KDM5B: variants seen among roughly 807,000 people sequenced by gnomAD.
The protein encoded by KDM5B is lysine demethylase 5B.
KDM5B carries 144 observed loss-of-function variants against 193.4 expected under a neutral mutation model. The observed-to-expected ratio is 0.74, with a 90% CI of 0.65 to 0.86. The LOEUF (loss-of-function observed/expected upper bound fraction) is 0.86, where lower values mean the gene tolerates loss of function less well. KDM5B is among the 40% of genes least tolerant of loss of function. The probability of loss-of-function intolerance (pLI) is 0.00; values close to 1 mark genes in which losing one functional copy is unlikely to be tolerated. For synonymous variants in KDM5B, 668 were observed against 682.6 expected (o/e 0.98, Z 0.33); for missense variants, 1,833 against 1,886.9 (o/e 0.97, Z 0.53).
chr1:202,743,610 A>G (rs1285655051), intron 16 of KDM5B, among the ~76,000 whole-genome samples: 2 of 152,140 alleles, frequency 1.3e-5, no homozygotes, highest in African/African-American at 4.8e-5. Context: ...AAGTGAAAAC[A>G]CTCTGAAAGA....
chr1:202,761,508 T>C (rs1378084132), intron 7 of KDM5B, among the ~76,000 whole-genome samples: 2 of 152,180 alleles, frequency 1.3e-5, no homozygotes, highest in Non-Finnish European at 2.9e-5. Context: ...TGATAAAGCA[T>C]AGTTATTACT....
At chr1:202,740,076 C>G (rs1177520072) in intron 20 of KDM5B, among the ~76,000 whole-genome samples, 1 of 151,802 alleles carries the variant, frequency 6.6e-6, no homozygotes, top group Non-Finnish European at 1.5e-5. Flanking sequence ...CCTCACCTCC[C>G]GGACGGGGCG....
chr1:202,783,146 T>C (rs1394999567), intron 1 of KDM5B, among the ~76,000 whole-genome samples: 25 of 152,180 alleles, frequency 1.6e-4, no homozygotes, highest in East Asian at 1.9e-4. Flanking sequence ...TCTCATTCTT[T>C]ATAACCAGCT....
intron 12 of KDM5B, among the ~76,000 whole-genome samples, chr1:202,751,750 T>C (rs1031873940): frequency 1.3e-5 from 2 of 152,212 alleles, no homozygotes; most frequent in Non-Finnish European, 2.9e-5. Flanking sequence ...AATCCCTAAA[T>C]GCACAAGGAG....
intron 1 of KDM5B, among the ~76,000 whole-genome samples, chr1:202,782,971 T>A (rs1227497273): frequency 6.6e-6 from 1 of 152,086 alleles, no homozygotes; most frequent in Non-Finnish European, 1.5e-5. Context: ...GGGTGCTGAG[T>A]GTGATGGCTC....
chr1:202,771,556 A>G (rs781031765), intron 4 of KDM5B, among the ~76,000 whole-genome samples: 2 of 150,272 alleles, frequency 1.3e-5, no homozygotes, highest in African/African-American at 2.4e-5. Context: ...CACCCAGCCT[A>G]TTTTTTATTT....
At chr1:202,794,155 C>T (rs1453307226) in intron 1 of KDM5B, among the ~76,000 whole-genome samples, 1 of 152,182 alleles carries the variant, frequency 6.6e-6, no homozygotes. Context: ...ATCCTAAGGG[C>T]TCCTACCTCC....
In KDM5B at chr1:202,758,450, G is replaced by A. The variant is rs1258172354; in HGVS notation, c.1138C>T (p.Arg380Cys). ...FEQAARDYTL[R>C]TFGEMADAFK... ...GCATCTGCCATTTCCCCAAAAGTAC[G>A]GAGGGTATAGTCCCTGGCTGCTTGT... The change falls in exon 9 of 27, where the codon CGT (arginine) becomes TGT (cysteine). Residue 380 changes from arginine to cysteine, a missense_variant. Physicochemically the swap from Arg to Cys is radical, Grantham distance 180. Coordinates refer to ENST00000367265, the MANE Select transcript of KDM5B (RefSeq NM_006618.5). 8.7e-6 allele frequency: 14 copies of A among 1,612,918 alleles called. No homozygotes were observed. Among genetic ancestry groups the A allele is most frequent in the South Asian group, 2.2e-5 (2 of 91,000 alleles).
rs754269328 is a variant in KDM5B at position 202,758,493 on chromosome 1, T to C, written c.1095A>G (p.Gln365=). 3.7e-6 allele frequency: 6 copies of C among 1,610,864 alleles called. No individual in the cohort carries two copies. Among genetic ancestry groups the C allele is most frequent in the East Asian group, 4.5e-5 (2 of 44,848 alleles). The change falls in exon 9 of 27, where the codon CAA becomes CAG. Residue 365 remains glutamine, a synonymous_variant. Transcript: ENST00000367265. The part of the protein sequence containing the change: ...KCLAQECSKP[Q]EAFGFEQAAR... ...CTGCTTGTTCAAAGCCAAATGCTTC[T>C]TGTGGCTTACTACATTCCTGAAAAT... is the stretch of plus-strand genomic sequence containing the variant.
intron 1 of KDM5B, among the ~76,000 whole-genome samples, chr1:202,792,821 C>A (rs571152206): frequency 3.3e-5 from 5 of 151,884 alleles, no homozygotes; most frequent in Admixed American, 6.6e-5. Flanking sequence ...TGGTGAAACC[C>A]CGTCTCTACT....
At chr1:202,767,289 G>C (rs1656509478) in intron 4 of KDM5B, 1 of 1,609,190 alleles carries the variant, frequency 6.2e-7, no homozygotes, top group Admixed American at 1.7e-5. Context: ...CAGATCCAAA[G>C]TACAAACACA....
At chr1:202,794,977 C>CT in intron 1 of KDM5B, among the ~76,000 whole-genome samples, 1 of 152,226 alleles carries the variant, frequency 6.6e-6, no homozygotes, top group Non-Finnish European at 1.5e-5. Flanking sequence ...CTTTGGAAGG[C>CT]TGAGGCGGGC....
At position 202,746,253 on chromosome 1, in the gene KDM5B, T is replaced by C. The variant is rs1655554611; in HGVS notation, c.2087A>G (p.Lys696Arg). 6.2e-7 allele frequency: 1 copy of C among 1,613,712 alleles called. No individual in the cohort carries two copies. The highest frequency in any genetic ancestry group is 8.5e-7 in the Non-Finnish European group (1 of 1,179,776). ...PDDERQCVKC[K>R]TTCFMSAISC... is the part of the protein sequence containing the mutation. ...GATGGCAGACATGAAGCATGTAGTTTTGCATTTTACACACTGACGTTCATC... is the reference window on the plus strand; with the variant it reads ...GATGGCAGACATGAAGCATGTAGTTCTGCATTTTACACACTGACGTTCATC... Residue 696 changes from lysine to arginine, a missense_variant, in exon 15 of 27, where the codon AAA (lysine) becomes AGA (arginine). Physicochemically the swap from Lys to Arg is conservative, Grantham distance 26. Coordinates refer to ENST00000367265, the MANE Select transcript of KDM5B (RefSeq NM_006618.5).
intron 1 of KDM5B, among the ~76,000 whole-genome samples, chr1:202,803,679 C>T (rs1236308455): frequency 6.6e-6 from 1 of 151,978 alleles, no homozygotes; most frequent in Non-Finnish European, 1.5e-5. Context: ...CAAAGTTAGC[C>T]GGGCGTGGCG....
chr1:202,799,864 C>A (rs988465656), intron 1 of KDM5B, among the ~76,000 whole-genome samples: 1 of 152,130 alleles, frequency 6.6e-6, no homozygotes, highest in African/African-American at 2.4e-5. Context: ...CATCTCCTAT[C>A]TCAGAAATGA....
At chr1:202,777,856 A>C (rs1657026044) in intron 1 of KDM5B, among the ~76,000 whole-genome samples, 1 of 152,008 alleles carries the variant, frequency 6.6e-6, no homozygotes, top group African/African-American at 2.4e-5. Context: ...CAGGGGGAGA[A>C]AAACTGACAT....
At position 202,746,288 on chromosome 1, in the gene KDM5B, C is replaced by G; in HGVS notation, c.2052G>C (p.Leu684=). Residue 684 remains leucine, a synonymous_variant, in exon 15 of 27, where the codon CTG becomes CTC. Transcript: ENST00000367265. The part of the protein sequence containing the change: ...VIDSERMDFE[L]LPDDERQCVK... The stretch of plus-strand genomic sequence containing the variant: ...CACACTGACGTTCATCATCTGGCAA[C>G]AGCTCAAAATCCATTCTTTCCGAAT... 1 of 1,612,148 alleles carries G rather than the reference C, an allele frequency of 6.2e-7. No homozygotes were observed. The highest frequency in any genetic ancestry group is 8.5e-7 in the Non-Finnish European group (1 of 1,179,264).
intron 1 of KDM5B, among the ~76,000 whole-genome samples, chr1:202,786,162 G>A (rs1657402092): frequency 1.0e-5 from 1 of 99,352 alleles, no homozygotes; most frequent in Non-Finnish European, 2.0e-5. Flanking sequence ...ACCATGACCA[G>A]CTAATTTTTT....
Position 202,752,923 on chromosome 1 carries a change from C to G in KDM5B, c.1683G>C (p.Leu561=). 6.2e-7 allele frequency: 1 copy of G among 1,613,936 alleles called. No individual in the cohort carries two copies. Among genetic ancestry groups the G allele is most frequent in the Non-Finnish European group, 8.5e-7 (1 of 1,179,924 alleles). ...AACATACAGGCACTTCATGAGTCAT[C>G]AGGGTATTGGGGTTCATGATGGTCA... ...QLVTIMNPNT[L]MTHEVPVYRT... Residue 561 remains leucine (L), a synonymous_variant, in exon 12 of 27, where the codon CTG becomes CTC. Coordinates refer to ENST00000367265, the MANE Select transcript of KDM5B (RefSeq NM_006618.5).
Sources: allele counts gnomAD v4.1 joint callset (sites outside exome capture counted in the v4.1 genomes callset), GRCh38; gene constraint gnomAD v4.1.1; transcripts MANE v1.5; gene names NCBI Gene and HGNC (gene_info 2026-07-23, HGNC 2026-07-21).